DMD: variants seen among roughly 807,000 people sequenced by gnomAD.
DMD encodes the protein dystrophin, also known as mutant dystrophin.
Under a neutral mutation model 330.1 loss-of-function variants are expected in DMD, and 63 were observed. The ratio of observed to expected loss-of-function variants is 0.19; its 90% CI spans 0.16 to 0.24. The LOEUF is 0.24. DMD is among the 10% of genes least tolerant of loss of function. The probability of loss-of-function intolerance (pLI) is 1.00; values close to 1 mark genes in which losing one functional copy is unlikely to be tolerated. For missense variants in DMD, 3,344 were observed against 2,684.1 expected (o/e 1.25, Z -5.43); for synonymous variants, 1,223 against 959.8 (o/e 1.27, Z -5.07).
rs752354600 is a variant in DMD, at chrX:33,128,462, C to T, written c.31+82820G>A. On this transcript the variant is annotated intron_variant, in intron 1 of 78. Transcript: ENST00000357033. ...CACTCCCCTCTCACAGCAATGGTTT[C>T]TTCCCTCACCGGCTCAATCTACCTG... 13 of 922,368 alleles carry T rather than the reference C, an allele frequency of 1.4e-5. No homozygotes were observed. In the African/African-American group the frequency reaches 2.4e-4, roughly 17 times the overall value. The allele number at this position is 922,368 out of a possible 1,213,427, so 76.0% of individuals were successfully genotyped here. A position where few individuals can be genotyped will look rare whatever the true frequency, so the allele number is the denominator to read the frequency against.
intron 60 of DMD, among the ~76,000 whole-genome samples, chrX:31,369,816 C>A (rs1205587692): frequency 9.0e-6 from 1 of 111,540 alleles, no homozygotes; most frequent in Non-Finnish European, 1.9e-5. Context: ...AAAAAATAAA[C>A]CTCAACTTAA....
chrX:32,618,915 A>G (rs902754991), intron 11 of DMD, among the ~76,000 whole-genome samples: 1 of 111,576 alleles, frequency 9.0e-6, no homozygotes, highest in Non-Finnish European at 1.9e-5. Flanking sequence ...GCTCCTTGAA[A>G]TATGAACAAC....
intron 55 of DMD, among the ~76,000 whole-genome samples, chrX:31,546,604 C>T (rs1319642048): frequency 2.7e-5 from 3 of 112,353 alleles, no homozygotes; most frequent in African/African-American, 9.7e-5. Flanking sequence ...CTTAACTTTA[C>T]AACTTCCTCT....
chrX:32,366,948 C>T (rs1269705937), intron 34 of DMD, among the ~76,000 whole-genome samples: 1 of 112,245 alleles, frequency 8.9e-6, no homozygotes, highest in Non-Finnish European at 1.9e-5. Context: ...TGGGGTTCTT[C>T]ATATGTAGGT....
chrX:32,613,460 C>T (rs1337133673), intron 12 of DMD, among the ~76,000 whole-genome samples: 1 of 110,408 alleles, frequency 9.1e-6, no homozygotes, highest in Admixed American at 9.7e-5. Context: ...TGCTTTCTGG[C>T]AGCGAGGGAG....
chrX:33,077,245 T>C (rs2094857279), intron 1 of DMD, among the ~76,000 whole-genome samples: 1 of 111,348 alleles, frequency 9.0e-6, no homozygotes. Context: ...AGAAGGAATT[T>C]TGCTCTGGGA....
intron 52 of DMD, among the ~76,000 whole-genome samples, chrX:31,724,825 T>A (rs1349331089): frequency 8.9e-6 from 1 of 111,938 alleles, no homozygotes; most frequent in East Asian, 2.8e-4. Context: ...TAGCCCCACA[T>A]GACAGATGAG....
chrX:32,097,944 G>A (rs1462119280), intron 44 of DMD, among the ~76,000 whole-genome samples: 2 of 110,980 alleles, frequency 1.8e-5, no homozygotes, highest in East Asian at 5.7e-4. Context: ...TCTAGATTCA[G>A]GCTTTGCACA....
At chrX:32,343,109 T>C in intron 40 of DMD, 25 bp downstream of exon 40, 2 of 1,193,669 alleles carry the variant, frequency 1.7e-6, no homozygotes, top group Non-Finnish European at 2.3e-6. Flanking sequence ...TAAAATCTGG[T>C]ATTGACATTC....
At chrX:31,597,070 T>G (rs1001979905) in intron 55 of DMD, among the ~76,000 whole-genome samples, 4 of 112,819 alleles carry the variant, frequency 3.5e-5, no homozygotes, top group African/African-American at 1.3e-4. Context: ...AAATCTTTCA[T>G]AATGAAGTAA....
intron 49 of DMD, among the ~76,000 whole-genome samples, chrX:31,832,333 G>C (rs182683746): frequency 1.1e-3 from 124 of 111,696 alleles, no homozygotes; most frequent in South Asian, 4.1e-3. Context: ...CCCTAAGGAA[G>C]TTTTTAAAAA....
chrX:32,773,369 C>T (rs113976611), intron 7 of DMD, among the ~76,000 whole-genome samples: 2,111 of 111,042 alleles, frequency 0.019, 62 homozygotes, highest in African/African-American at 0.066. Context: ...GAAATTAGGG[C>T]ATCCATCACC....
rs142208125 is a variant in DMD at position 32,700,208 on chromosome X, G to A, written c.650-915C>T. On this transcript the variant is annotated intron_variant, in intron 7 of 78. Coordinates refer to ENST00000357033, the MANE Select transcript of DMD (RefSeq NM_004006.3). The stretch of plus-strand genomic sequence containing the variant: ...AACACATAAGTTCTGACTATGAAAT[G>A]CTAGCATTTCATTGTCATCCTTTTT... 6.1e-3 allele frequency among the ~76,000 whole-genome samples: 679 copies of A among 111,290 alleles called. 9 individuals are homozygous for A. Among genetic ancestry groups the A allele is most frequent in the African/African-American group, 0.021 (659 of 30,760 alleles).
At chrX:31,940,274 C>T (rs1336578915) in intron 45 of DMD, among the ~76,000 whole-genome samples, 3 of 111,399 alleles carry the variant, frequency 2.7e-5, no homozygotes, top group African/African-American at 6.5e-5. Context: ...GCAAAGTCCT[C>T]GTGGTAGGGA....
intron 43 of DMD, among the ~76,000 whole-genome samples, chrX:32,227,335 T>C (rs1358266324): frequency 1.1e-5 from 1 of 87,735 alleles, no homozygotes; most frequent in African/African-American, 4.1e-5. Context: ...AAATTGCGTA[T>C]GGAATAAACA....
chrX:33,147,594 A>G (rs1817155317), intron 1 of DMD, among the ~76,000 whole-genome samples: 1 of 111,834 alleles, frequency 8.9e-6, no homozygotes, highest in Admixed American at 9.5e-5. Context: ...AGAATAACAC[A>G]CACCAGGGAG....
At chrX:31,369,119 C>A (rs1347867711) in intron 60 of DMD, among the ~76,000 whole-genome samples, 2 of 111,900 alleles carry the variant, frequency 1.8e-5, no homozygotes, top group Non-Finnish European at 3.8e-5. Flanking sequence ...TTATTTAAGA[C>A]CCTCTTTGTC....
intron 16 of DMD, among the ~76,000 whole-genome samples, chrX:32,562,783 T>G (rs1328393180): frequency 2.7e-5 from 3 of 111,880 alleles, no homozygotes; most frequent in Non-Finnish European, 5.6e-5. Context: ...ACTATTTCGC[T>G]GTTGTCTCTG....
intron 44 of DMD, among the ~76,000 whole-genome samples, chrX:32,165,777 C>A (rs1018292427): frequency 9.0e-6 from 1 of 111,100 alleles, no homozygotes; most frequent in Non-Finnish European, 1.9e-5. Context: ...CCCCATAATC[C>A]CCAGGTGTCA....
Sources: allele counts gnomAD v4.1 joint callset (sites outside exome capture counted in the v4.1 genomes callset), GRCh38; gene constraint gnomAD v4.1.1; transcripts MANE v1.5; gene names NCBI Gene and HGNC (gene_info 2026-07-23, HGNC 2026-07-21).